The following PLB1 variants were observed in gnomAD, a reference collection of about 807,000 sequenced individuals.
The protein encoded by PLB1 is phospholipase B1.
In PLB1, 242 loss-of-function variants were observed where a neutral mutation model predicts 227.4. The observed-to-expected ratio is 1.06, with a 90% confidence interval of 0.96 to 1.18. The LOEUF (loss-of-function observed/expected upper bound fraction) is 1.18. Among genes scored for constraint, PLB1 ranks in the 50% most tolerant of loss-of-function variants. The pLI, the probability that PLB1 is intolerant of heterozygous loss-of-function variation, is 0.00. For missense variants in PLB1, 1,858 were observed against 1,816.3 expected (o/e 1.02, Z -0.42); for synonymous variants, 757 against 682.2 (o/e 1.11, Z -1.71).
Position 28,600,827 on chromosome 2 carries a change from C to T in PLB1, c.2493C>T (p.Val831=), listed in dbSNP as rs1406633612. The change falls in exon 36 of 58, where the codon GTC becomes GTT. Residue 831 remains valine, a synonymous_variant. Transcript: ENST00000327757. ...GAKAEDLMSQ[V]QTLMQKMKDD... is the part of the protein sequence containing the mutation. Reference sequence around the variant, plus strand: ...TTCTCAGGGATCTTATGAGCCAAGTCCAAACTCTGATGCAGAAGATGAAAG... The same window carrying T: ...TTCTCAGGGATCTTATGAGCCAAGTTCAAACTCTGATGCAGAAGATGAAAG... 6.2e-7 allele frequency: 1 copy of T among 1,613,322 alleles called. No homozygotes were observed. The highest frequency in any genetic ancestry group is 1.7e-5 in the Admixed American group (1 of 60,022).
intron 50 of PLB1, among the ~76,000 whole-genome samples, chr2:28,625,484 T>C (rs1663877527): frequency 6.6e-6 from 1 of 152,172 alleles, no homozygotes; most frequent in African/African-American, 2.4e-5. Flanking sequence ...CCCCTCACCC[T>C]GCCCCTCTGA....
intron 7 of PLB1, 55 bp downstream of exon 7, chr2:28,529,462 A>C (rs557539052): frequency 1.4e-6 from 2 of 1,414,778 alleles, no homozygotes; most frequent in Admixed American, 1.7e-5. Flanking sequence ...GGTCTTCAAC[A>C]TATAGGTGGG....
intron 43 of PLB1, among the ~76,000 whole-genome samples, chr2:28,609,646 C>T (rs892898850): frequency 6.6e-6 from 1 of 152,174 alleles, no homozygotes; most frequent in African/African-American, 2.4e-5. Flanking sequence ...CCATCTCAAG[C>T]TTAACATTCA....
At chr2:28,608,634 C>T (rs1210736611) in intron 43 of PLB1, among the ~76,000 whole-genome samples, 1 of 152,214 alleles carries the variant, frequency 6.6e-6, no homozygotes, top group Non-Finnish European at 1.5e-5. Flanking sequence ...CTATACTCTG[C>T]CTTAATGGGC....
rs371546160 is a variant in PLB1 at position 28,548,847 on chromosome 2, C to A, written c.937-13C>A. 1 of 1,613,924 alleles carries A rather than the reference C, an allele frequency of 6.2e-7. No individual in the cohort carries two copies. Among genetic ancestry groups the A allele is most frequent in the East Asian group, 2.2e-5 (1 of 44,884 alleles). ...CAAAACTTCCCTGTTCTAAAGCCCA[C>A]GTTCCTTTCTAGATGGAGCCAGCAG... On this transcript the variant is annotated splice_polypyrimidine_tract_variant and intron_variant, in intron 14 of 57. Coordinates refer to ENST00000327757, the MANE Select transcript of PLB1 (RefSeq NM_153021.5).
rs188961803 is a variant in PLB1 at position 28,625,771 on chromosome 2, T to C, written c.3580-657T>C. 1.2e-3 allele frequency among the ~76,000 whole-genome samples: 182 copies of C among 152,290 alleles called. 1 individual carries two copies. The highest frequency in any genetic ancestry group is 4.2e-3 in the African/African-American group (174 of 41,554). ...AAGGCCTTCATTTGGGGGGACGTGG[T>C]AATCCCCTCGGCATTTAATGGGCCA... On this transcript the variant is annotated intron_variant, in intron 50 of 57. Transcript: ENST00000327757.
chr2:28,575,966 A>G (rs1340459954), intron 21 of PLB1, among the ~76,000 whole-genome samples: 1 of 152,180 alleles, frequency 6.6e-6, no homozygotes, highest in African/African-American at 2.4e-5. Context: ...TTTTCCAAGC[A>G]TATGTGGGCT....
intron 44 of PLB1, among the ~76,000 whole-genome samples, chr2:28,615,054 G>T (rs1445868718): frequency 1.3e-5 from 2 of 152,160 alleles, no homozygotes; most frequent in East Asian, 3.8e-4. Flanking sequence ...CACCATGCAG[G>T]CCAGGCCTTC....
chr2:28,525,020 G>A (rs1328514514), intron 4 of PLB1, among the ~76,000 whole-genome samples: 1 of 151,910 alleles, frequency 6.6e-6, no homozygotes, highest in African/African-American at 2.4e-5. Flanking sequence ...GCTAATTTTT[G>A]TATTTTTTAG....
At chr2:28,639,738 G>A (rs1399730343) in intron 56 of PLB1, among the ~76,000 whole-genome samples, 1 of 152,212 alleles carries the variant, frequency 6.6e-6, no homozygotes, top group Non-Finnish European at 1.5e-5. Context: ...TTCTGTCACT[G>A]TTACGATAGA....
intron 56 of PLB1, among the ~76,000 whole-genome samples, chr2:28,639,681 T>C (rs1027556172): frequency 6.6e-6 from 1 of 152,128 alleles, no homozygotes; most frequent in Non-Finnish European, 1.5e-5. Context: ...TAGTTCTGGG[T>C]TCCTGGAATA....
intron 1 of PLB1, among the ~76,000 whole-genome samples, chr2:28,496,659 T>C (rs1218087519): frequency 6.6e-6 from 1 of 152,244 alleles, no homozygotes; most frequent in Admixed American, 6.5e-5. Context: ...CATTCTTTAG[T>C]GCTGCTAAAC....
chr2:28,521,888 C>T (rs565104821), intron 4 of PLB1, among the ~76,000 whole-genome samples: 5 of 152,036 alleles, frequency 3.3e-5, no homozygotes, highest in African/African-American at 1.2e-4. Flanking sequence ...GAGCCTCCCT[C>T]CCCACTCCGC....
chr2:28,589,936 A>AC, intron 28 of PLB1, 69 bp from the exon 29 acceptor site: 1 of 1,473,992 alleles, frequency 6.8e-7, no homozygotes, highest in Non-Finnish European at 9.5e-7. Flanking sequence ...CGCACCCCTG[A>AC]CCTGCGTCCT....
intron 6 of PLB1, among the ~76,000 whole-genome samples, chr2:28,528,145 C>G (rs1425735254): frequency 6.6e-6 from 1 of 152,234 alleles, no homozygotes; most frequent in Non-Finnish European, 1.5e-5. Flanking sequence ...GACCAGTCCC[C>G]TGACTTCCAG....
chr2:28,618,900 A>G (rs1686586576), intron 46 of PLB1, among the ~76,000 whole-genome samples: 1 of 152,206 alleles, frequency 6.6e-6, no homozygotes, highest in African/African-American at 2.4e-5. Context: ...GTGTACACCA[A>G]CACTCTATTA....
At chr2:28,548,978 C>T (rs761816423) in intron 15 of PLB1, 47 bp downstream of exon 15, 51 of 1,581,858 alleles carry the variant, frequency 3.2e-5, no homozygotes, top group Non-Finnish European at 4.3e-5. Context: ...ATCGAGGGCG[C>T]AGGTGGGGTG....
At chr2:28,556,706 G>C (rs1675189482) in intron 17 of PLB1, among the ~76,000 whole-genome samples, 1 of 152,162 alleles carries the variant, frequency 6.6e-6, no homozygotes, top group South Asian at 2.1e-4. Context: ...ATGGCTTATT[G>C]ACTTTCTGAT....
At chr2:28,591,032 C>A in intron 29 of PLB1, 101 bp from the exon 30 acceptor site, 1 of 1,449,920 alleles carries the variant, frequency 6.9e-7, no homozygotes, top group Non-Finnish European at 9.7e-7. Context: ...ACAGGGCAGG[C>A]AGGCCGCAGC....
Sources: allele counts gnomAD v4.1 joint callset (sites outside exome capture counted in the v4.1 genomes callset), GRCh38; gene constraint gnomAD v4.1.1; transcripts MANE v1.5; gene names NCBI Gene and HGNC (gene_info 2026-07-23, HGNC 2026-07-21).